CACNG3: variants seen among roughly 807,000 people sequenced by gnomAD.
The protein encoded by CACNG3 is calcium voltage-gated channel auxiliary subunit gamma 3.
Under a neutral mutation model 28.5 loss-of-function variants are expected in CACNG3, and 3 were observed. The ratio of observed to expected loss-of-function variants is 0.11; its 90% confidence interval spans 0.05 to 0.27. CACNG3 has a LOEUF of 0.27. CACNG3 is among the 10% of genes least tolerant of loss of function. The probability of loss-of-function intolerance (pLI) is 1.00; values close to 1 mark genes in which losing one functional copy is unlikely to be tolerated. For missense variants in CACNG3, 236 were observed against 414.4 expected, an observed-to-expected ratio of 0.57 and a Z score of 3.74; for synonymous variants, 174 against 162.2, an observed-to-expected ratio of 1.07 and a Z score of -0.55.
At chr16:24,284,042 A>G (rs1279652552) in intron 1 of CACNG3, among the ~76,000 whole-genome samples, 3 of 152,172 alleles carry the variant, frequency 2.0e-5, no homozygotes, top group African/African-American at 7.2e-5. Context: ...TTGGATTATT[A>G]ATAGGGTAAG....
intron 1 of CACNG3, among the ~76,000 whole-genome samples, chr16:24,322,095 A>C (rs1899468799): frequency 6.6e-6 from 1 of 152,070 alleles, no homozygotes; most frequent in African/African-American, 2.4e-5. Context: ...TCAATGGGGG[A>C]ACCTGAATTG....
At chr16:24,288,033 G>A (rs1470362737) in intron 1 of CACNG3, among the ~76,000 whole-genome samples, 1 of 152,146 alleles carries the variant, frequency 6.6e-6, no homozygotes, top group African/African-American at 2.4e-5. Context: ...CATGTATTGA[G>A]GGCCTACTTC....
intron 1 of CACNG3, among the ~76,000 whole-genome samples, chr16:24,301,054 A>T (rs1228887002): frequency 1.3e-5 from 2 of 150,976 alleles, no homozygotes; most frequent in African/African-American, 4.9e-5. Context: ...AAAAAAAAAA[A>T]AAAAAAATTA....
chr16:24,302,575 C>T (rs540213115), intron 1 of CACNG3, among the ~76,000 whole-genome samples: 1 of 152,122 alleles, frequency 6.6e-6, no homozygotes, highest in East Asian at 1.9e-4. Flanking sequence ...CCACCTCAGC[C>T]CCTAGAATAA....
chr16:24,261,721 T>A (rs1417806085), intron 1 of CACNG3, among the ~76,000 whole-genome samples: 2 of 152,222 alleles, frequency 1.3e-5, no homozygotes, highest in Admixed American at 1.3e-4. Flanking sequence ...CTTAAAGTTA[T>A]GGAGAAGAGG....
chr16:24,265,070 T>C (rs923486718), intron 1 of CACNG3, among the ~76,000 whole-genome samples: 2 of 152,038 alleles, frequency 1.3e-5, no homozygotes, highest in Non-Finnish European at 2.9e-5. Context: ...GAGACCTCCA[T>C]CTCTACAAAA....
At chr16:24,330,197 T>A (rs927004780) in intron 1 of CACNG3, among the ~76,000 whole-genome samples, 2 of 152,188 alleles carry the variant, frequency 1.3e-5, no homozygotes, top group Admixed American at 6.5e-5. Flanking sequence ...TGTTGGCCCA[T>A]GAAAGTGAAG....
intron 1 of CACNG3, among the ~76,000 whole-genome samples, chr16:24,306,606 G>A (rs770786557): frequency 8.5e-5 from 13 of 152,164 alleles, no homozygotes; most frequent in Non-Finnish European, 1.3e-4. Context: ...AGCCTTCATG[G>A]ACACTCTCTG....
At chr16:24,296,193 C>T (rs1899030314) in intron 1 of CACNG3, among the ~76,000 whole-genome samples, 1 of 152,190 alleles carries the variant, frequency 6.6e-6, no homozygotes, top group Non-Finnish European at 1.5e-5. Context: ...CTGGTCCTTC[C>T]TCCTGCCTTC....
chr16:24,329,564 C>A (rs1246000693), intron 1 of CACNG3, among the ~76,000 whole-genome samples: 1 of 152,154 alleles, frequency 6.6e-6, no homozygotes, highest in African/African-American at 2.4e-5. Flanking sequence ...AAATCCAAGC[C>A]CAGGTCTCTC....
intron 1 of CACNG3, among the ~76,000 whole-genome samples, chr16:24,259,362 G>A (rs777322360): frequency 6.6e-6 from 1 of 152,172 alleles, no homozygotes; most frequent in Non-Finnish European, 1.5e-5. Context: ...ATTTCTGCAT[G>A]GGAAGTCACA....
chr16:24,275,496 G>A (rs974831090), intron 1 of CACNG3, among the ~76,000 whole-genome samples: 2 of 152,230 alleles, frequency 1.3e-5, no homozygotes, highest in Non-Finnish European at 2.9e-5. Flanking sequence ...GAGTATGCTA[G>A]TGGTCTCAAG....
chr16:24,280,882 T>C (rs1384072344), intron 1 of CACNG3, among the ~76,000 whole-genome samples: 1 of 148,686 alleles, frequency 6.7e-6, no homozygotes, highest in African/African-American at 2.5e-5. Context: ...TGGGAACATT[T>C]TGTCTGAGGT....
intron 1 of CACNG3, among the ~76,000 whole-genome samples, chr16:24,323,878 C>A (rs1212021584): frequency 6.6e-6 from 1 of 152,202 alleles, no homozygotes; most frequent in East Asian, 1.9e-4. Flanking sequence ...AGCGATTCTT[C>A]TGCCTCAGTC....
At chr16:24,283,998 T>C (rs9926562) in intron 1 of CACNG3, among the ~76,000 whole-genome samples, 21,006 of 152,216 alleles carry the variant, frequency 0.14, 1,546 homozygotes, top group Middle Eastern at 0.17. Flanking sequence ...ATTTACATTT[T>C]TGATAGTTAT....
intron 1 of CACNG3, among the ~76,000 whole-genome samples, chr16:24,268,129 C>T (rs975556983): frequency 6.6e-6 from 1 of 152,190 alleles, no homozygotes; most frequent in African/African-American, 2.4e-5. Context: ...ATAAAATGCA[C>T]ATAGTTAGTA....
intron 1 of CACNG3, among the ~76,000 whole-genome samples, chr16:24,281,629 C>G (rs1490243238): frequency 6.6e-6 from 1 of 152,148 alleles, no homozygotes; most frequent in East Asian, 1.9e-4. Context: ...TCACTGCAGA[C>G]AAAGGGTCCC....
At chr16:24,317,624 A>AAGAAAGAAAGAAAGACAGAC (rs1567217516) in intron 1 of CACNG3, among the ~76,000 whole-genome samples, 2 of 56,646 alleles carry the variant, frequency 3.5e-5, no homozygotes, top group Admixed American at 3.7e-4. Flanking sequence ...GAAAGAAAGA[A>AAGAAAGAAAGAAAGACAGAC]AGACAGACAG....
intron 1 of CACNG3, among the ~76,000 whole-genome samples, chr16:24,323,219 CAA>C (rs761999416): frequency 4.3e-4 from 29 of 66,786 alleles, no homozygotes; most frequent in Admixed American, 9.8e-4. Flanking sequence ...GAGCAGGACT[CAA>C]AAAAAAAAAA....
Sources: gnomAD v4.1 joint callset for allele counts (sites outside exome capture counted in the v4.1 genomes callset) on GRCh38, gnomAD v4.1.1 for gene constraint, MANE v1.5 for transcripts, NCBI Gene and HGNC (gene_info 2026-07-23, HGNC 2026-07-21) for gene names.